Variants in SCAF11 observed in about 807,000 individuals in gnomAD.
SCAF11 encodes the protein SR-related CTD associated factor 11.
In SCAF11, 47 loss-of-function variants were observed where a neutral mutation model predicts 140.5. The observed-to-expected ratio is 0.33, with a 90% CI of 0.26 to 0.43. The LOEUF is 0.43. Ranked by LOEUF, SCAF11 falls within the 20% of genes least tolerant of loss-of-function variation. The probability of loss-of-function intolerance (pLI) is 1.00; values close to 1 mark genes in which losing one functional copy is unlikely to be tolerated. For missense variants in SCAF11, 1,645 were observed against 1,705.1 expected, an observed-to-expected ratio of 0.96 and a Z score of 0.62; for synonymous variants, 557 against 579.4, an observed-to-expected ratio of 0.96 and a Z score of 0.55.
intron 11 of SCAF11, 104 bp from the exon 12 acceptor site, chr12:45,925,178 G>A (rs1944829721): frequency 1.3e-6 from 1 of 773,876 alleles, no homozygotes; most frequent in Admixed American, 2.9e-5. Context: ...GCAATTAATA[G>A]GCTCAGTATA....
chr12:45,972,423 A>G (rs1946094474), intron 1 of SCAF11, among the ~76,000 whole-genome samples: 1 of 151,928 alleles, frequency 6.6e-6, no homozygotes, highest in South Asian at 2.1e-4. Context: ...CTCTACAAAA[A>G]ATAGAAAATA....
At chr12:45,987,602 G>A (rs889744431) in intron 1 of SCAF11, among the ~76,000 whole-genome samples, 1 of 152,216 alleles carries the variant, frequency 6.6e-6, no homozygotes, top group Non-Finnish European at 1.5e-5. Flanking sequence ...ATCGGGGGAA[G>A]GCTGTTGTTT....
At chr12:45,922,836 A>T in intron 13 of SCAF11, 100 bp downstream of exon 13, 1 of 1,108,568 alleles carries the variant, frequency 9.0e-7, no homozygotes, top group Non-Finnish European at 1.3e-6. Context: ...TTAGACAGCC[A>T]ATAAGAAATT....
chr12:45,931,090 C>G (rs909216658), intron 10 of SCAF11: 1 of 152,336 alleles, frequency 6.6e-6, no homozygotes, highest in Non-Finnish European at 1.5e-5. Flanking sequence ...CACACCTACC[C>G]CACCCCCTAA....
intron 6 of SCAF11, 79 bp from the exon 7 acceptor site, chr12:45,934,584 C>T: frequency 1.1e-6 from 1 of 875,628 alleles, no homozygotes. Context: ...TCGATACCAG[C>T]ACATTGGCAA....
chr12:45,954,312 G>A (rs1181811885), intron 3 of SCAF11, among the ~76,000 whole-genome samples: 1 of 151,848 alleles, frequency 6.6e-6, no homozygotes, highest in Non-Finnish European at 1.5e-5. Context: ...GGTCACTAAG[G>A]CCTTTGCCTC....
intron 3 of SCAF11, among the ~76,000 whole-genome samples, chr12:45,959,582 T>C (rs565174721): frequency 1.3e-5 from 2 of 152,272 alleles, no homozygotes; most frequent in African/African-American, 4.8e-5. Context: ...AGGATGGAGC[T>C]TAATTTATAA....
intron 6 of SCAF11, among the ~76,000 whole-genome samples, chr12:45,940,510 C>G (rs1210700656): frequency 6.6e-6 from 1 of 152,170 alleles, no homozygotes; most frequent in African/African-American, 2.4e-5. Flanking sequence ...AAGACTGGAT[C>G]AAATTCTGGT....
intron 3 of SCAF11, among the ~76,000 whole-genome samples, chr12:45,954,171 T>C (rs914209705): frequency 2.0e-5 from 3 of 152,232 alleles, no homozygotes; most frequent in Non-Finnish European, 2.9e-5. Flanking sequence ...TCATTTTTTC[T>C]TTATTAAATT....
intron 3 of SCAF11, among the ~76,000 whole-genome samples, chr12:45,954,378 A>G (rs1209325869): frequency 2.0e-5 from 3 of 151,996 alleles, no homozygotes; most frequent in Admixed American, 2.0e-4. Flanking sequence ...CTGGGACTAC[A>G]GGTGCATGCC....
chr12:45,976,317 T>C (rs1235935429), intron 1 of SCAF11, among the ~76,000 whole-genome samples: 1 of 152,174 alleles, frequency 6.6e-6, no homozygotes, highest in African/African-American at 2.4e-5. Context: ...GTGAGTAAAG[T>C]ACAGTAAGAT....
rs1945475823 is a variant in SCAF11, at chr12:45,948,429, T to A, written c.398+8A>T. On this transcript the variant is annotated splice_region_variant and intron_variant, in intron 5 of 14. Transcript: ENST00000369367. ...ATTTGCATTCCACTTCTAAAGTTAA[T>A]CACTAACCTTATACAGCTTTTAGAA... is the stretch of plus-strand genomic sequence containing the variant. 6.4e-7 allele frequency: 1 copy of A among 1,573,428 alleles called. No homozygotes were observed. The highest frequency in any genetic ancestry group is 8.7e-7 in the Non-Finnish European group (1 of 1,147,272).
At chr12:45,923,920 G>A (rs182043584) in intron 12 of SCAF11, among the ~76,000 whole-genome samples, 23 of 151,884 alleles carry the variant, frequency 1.5e-4, no homozygotes, top group African/African-American at 3.6e-4. Flanking sequence ...GTGCAATCTC[G>A]GCTCACTGCA....
chr12:45,931,020 C>T (rs61925820), intron 10 of SCAF11: 2 of 152,208 alleles, frequency 1.3e-5, no homozygotes, highest in South Asian at 2.1e-4. Context: ...CACAATTGAT[C>T]TTTAGAACTT....
At position 45,928,151 on chromosome 12, in the gene SCAF11, TC is replaced by T; in HGVS notation, c.1549del (p.Glu517LysfsTer21). ...CTTTTCCAATGGATCACCTCCTTTTTCAAGAATATTTTCAGAAATCTCACTT... is the reference window on the plus strand; with the variant it reads ...CTTTTCCAATGGATCACCTCCTTTTTAAGAATATTTTCAGAAATCTCACTT... Reference protein sequence around the residue: ...LESEISENILEKGGDPLEKQD... With the variant: ...LESEISENILXKGGDPLEKQD... On this transcript the variant is annotated frameshift_variant, in exon 11 of 15. Transcript: ENST00000369367. LOFTEE classifies it high-confidence loss of function. 6.2e-7 allele frequency: 1 copy of T among 1,613,996 alleles called. No homozygotes were observed. Among genetic ancestry groups the T allele is most frequent in the Non-Finnish European group, 8.5e-7 (1 of 1,180,002 alleles).
intron 6 of SCAF11, among the ~76,000 whole-genome samples, chr12:45,943,144 C>G (rs1293305860): frequency 1.3e-5 from 2 of 152,136 alleles, no homozygotes; most frequent in African/African-American, 4.8e-5. Context: ...CCATGTTAGA[C>G]TTATCAAATT....
intron 1 of SCAF11, chr12:45,974,196 G>A (rs927187605): frequency 2.1e-6 from 1 of 470,742 alleles, no homozygotes; most frequent in African/African-American, 2.0e-5. Context: ...ATACCTTATT[G>A]CTAAAAATGC....
chr12:45,939,684 C>T (rs1945250492), intron 6 of SCAF11, among the ~76,000 whole-genome samples: 1 of 152,184 alleles, frequency 6.6e-6, no homozygotes, highest in Non-Finnish European at 1.5e-5. Context: ...TGCACTCTAG[C>T]CTGGGCAACA....
At chr12:45,961,499 A>T in intron 3 of SCAF11, 1 of 585,892 alleles carries the variant, frequency 1.7e-6, no homozygotes, top group South Asian at 2.5e-5. Flanking sequence ...GTATGCATTT[A>T]AAATATTATT....
Sources: allele counts gnomAD v4.1 joint callset (sites outside exome capture counted in the v4.1 genomes callset), GRCh38; gene constraint gnomAD v4.1.1; transcripts MANE v1.5; gene names NCBI Gene and HGNC (gene_info 2026-07-23, HGNC 2026-07-21).